CD244: variants seen among roughly 807,000 people sequenced by gnomAD.
CD244 encodes the protein natural killer cell receptor 2B4.
Under a neutral mutation model 45.5 loss-of-function variants are expected in CD244, and 20 were observed. The observed-to-expected ratio is 0.44, with a 90% confidence interval of 0.31 to 0.64. CD244 has a LOEUF of 0.64. CD244 is among the 30% of genes least tolerant of loss of function. The pLI is 0.08. For synonymous variants in CD244, 185 were observed against 160.5 expected (o/e 1.15, Z -1.15); for missense variants, 407 against 426.9 (o/e 0.95, Z 0.41).
Position 160,849,275 on chromosome 1 carries a change from A to G in CD244, c.62-7374T>C, listed in dbSNP as rs575366647. Among the ~76,000 whole-genome samples, 3 of 127,654 alleles carry G rather than the reference A, an allele frequency of 2.4e-5. No homozygotes were observed. In the South Asian group the frequency reaches 7.4e-4, roughly 32 times the overall value. The allele number at this position is 127,654 out of a possible 152,430, so 83.7% of individuals were successfully genotyped here. On this transcript the variant is annotated intron_variant, in intron 1 of 8. Coordinates refer to ENST00000368034, the MANE Select transcript of CD244 (RefSeq NM_016382.4). ...ACAACAAACATTCACATTTGTACCC[A>G]TCTCTTTCTTTTTTTTTTTTTTGTT...
rs779848016 is a variant in CD244 at position 160,836,208 on chromosome 1, A to G, written c.881T>C (p.Met294Thr). ...CTGGAGAGGTACCTGGGACTGGATC[A>G]TAGAGTAGATGGTGCTCCCCCCTCC... is the stretch of plus-strand genomic sequence containing the variant. ...FPGGGSTIYSMIQSQSSAPTS... is the reference protein window; with the variant it reads ...FPGGGSTIYSTIQSQSSAPTS... Residue 294 changes from methionine (M) to threonine (T), a missense_variant, in exon 6 of 9, where the codon ATG becomes ACG. By Grantham distance (81) the Met-to-Thr change is moderately conservative. Transcript: ENST00000368034. 2 of 1,613,782 alleles carry G rather than the reference A, an allele frequency of 1.2e-6. No individual in the cohort carries two copies. Among genetic ancestry groups the G allele is most frequent in the Non-Finnish European group, 1.7e-6 (2 of 1,179,650 alleles).
intron 4 of CD244, 84 bp from the exon 5 acceptor site, chr1:160,838,602 A>C (rs1669416032): frequency 1.1e-6 from 1 of 944,422 alleles, no homozygotes; most frequent in Non-Finnish European, 1.7e-6. Context: ...CTCTACCCCA[A>C]ATGGCCAAAC....
At chr1:160,845,611 T>C (rs1482326264) in intron 1 of CD244, among the ~76,000 whole-genome samples, 2 of 152,102 alleles carry the variant, frequency 1.3e-5, no homozygotes, top group Non-Finnish European at 2.9e-5. Context: ...ATCCCAGCAC[T>C]TTGGGAGGCC....
intron 3 of CD244, among the ~76,000 whole-genome samples, chr1:160,840,147 TA>T (rs1159374463): frequency 6.6e-6 from 1 of 150,474 alleles, no homozygotes; most frequent in African/African-American, 2.5e-5. Context: ...TTTTTTTTTT[TA>T]AATAGAGATG....
At position 160,854,236 on chromosome 1, in the gene CD244, G is replaced by A. The variant is rs759124405; in HGVS notation, c.61+8381C>T. 2.9e-4 allele frequency among the ~76,000 whole-genome samples: 44 copies of A among 152,142 alleles called. 1 individual carries two copies. The highest frequency in any genetic ancestry group is 7.2e-4 in the Admixed American group (11 of 15,288). ...AAAAGGTACTTAAATATAAATATAC[G>A]GTGTAATGAAAAATAACGTAAACTC... On this transcript the variant is annotated intron_variant, in intron 1 of 8. Transcript: ENST00000368034.
Position 160,836,179 on chromosome 1 carries a change from G to A in CD244, c.894+16C>T. 6.2e-7 allele frequency: 1 copy of A among 1,606,726 alleles called. No individual in the cohort carries two copies. The highest frequency in any genetic ancestry group is 1.1e-5 in the South Asian group (1 of 90,904). On this transcript the variant is annotated intron_variant, in intron 6 of 8. Transcript: ENST00000368034. ...AGAGATAGGTATGGAATGGACTAGA[G>A]AAACTGGAGAGGTACCTGGGACTGG...
chr1:160,849,097 C>T (rs1487663928), intron 1 of CD244, among the ~76,000 whole-genome samples: 1 of 152,076 alleles, frequency 6.6e-6, no homozygotes, highest in Non-Finnish European at 1.5e-5. Context: ...TGGAGAACAC[C>T]CAGCTGGTGT....
chr1:160,855,408 T>C (rs1670068886), intron 1 of CD244, among the ~76,000 whole-genome samples: 1 of 152,058 alleles, frequency 6.6e-6, no homozygotes, highest in Non-Finnish European at 1.5e-5. Context: ...TTGGAATGAG[T>C]TTCCATGGAC....
At chr1:160,860,839 C>T (rs1255361867) in intron 1 of CD244, among the ~76,000 whole-genome samples, 3 of 152,194 alleles carry the variant, frequency 2.0e-5, no homozygotes, top group Non-Finnish European at 4.4e-5. Flanking sequence ...AGAAATAGAG[C>T]AGCTTCAGTC....
intron 7 of CD244, 83 bp downstream of exon 7, chr1:160,833,968 G>A: frequency 3.1e-6 from 3 of 955,068 alleles, no homozygotes; most frequent in Non-Finnish European, 5.1e-6. Flanking sequence ...GCCAGGATGT[G>A]CACACACACT....
Position 160,831,290 on chromosome 1 carries a change from G to T in CD244, c.*57C>A. 1 of 1,283,808 alleles carries T rather than the reference G, an allele frequency of 7.8e-7. No homozygotes were observed. Among genetic ancestry groups the T allele is most frequent in the Non-Finnish European group, 1.1e-6 (1 of 878,816 alleles). The allele number at this position is 1,283,808 out of a possible 1,614,324, so 79.5% of individuals were successfully genotyped here. ...AGAGACTCCTGTGCCGTCATCCACT[G>T]TGCCAATTCCCAAAGCAGATGCTGA... is the stretch of plus-strand genomic sequence containing the variant. On this transcript the variant is annotated 3_prime_UTR_variant, in exon 9 of 9. Coordinates refer to ENST00000368034, the MANE Select transcript of CD244 (RefSeq NM_016382.4).
chr1:160,853,778 T>C (rs1453157975), intron 1 of CD244, among the ~76,000 whole-genome samples: 1 of 67,826 alleles, frequency 1.5e-5, no homozygotes, highest in Non-Finnish European at 2.7e-5. Context: ...AGCAAGACCC[T>C]GCCTAAAAAA....
In CD244 at chr1:160,841,379, A is replaced by G; in HGVS notation, c.486T>C (p.Tyr162=). The part of the protein sequence containing the change: ...CLVSRDGNVS[Y]AWYRGSKLIQ... ...TCAGCTTGCTCCCTCTGTACCAAGC[A>G]TAGGACACATTGCCATCCCTGGAGA... Residue 162 remains tyrosine (Y), a synonymous_variant, in exon 3 of 9, where the codon TAT becomes TAC. Transcript: ENST00000368034. The G allele has an allele frequency of 1.2e-6, 2 of 1,614,230 alleles. No homozygotes were observed. The highest frequency in any genetic ancestry group is 1.7e-6 in the Non-Finnish European group (2 of 1,180,032).
At chr1:160,837,521 TG>T (rs1479358672) in intron 5 of CD244, among the ~76,000 whole-genome samples, 1 of 152,138 alleles carries the variant, frequency 6.6e-6, no homozygotes, top group Non-Finnish European at 1.5e-5. Flanking sequence ...AAAACAGGCA[TG>T]GGGAGCTGCT....
chr1:160,836,720 C>A (rs1450486604), intron 5 of CD244, among the ~76,000 whole-genome samples: 1 of 152,170 alleles, frequency 6.6e-6, no homozygotes, highest in Non-Finnish European at 1.5e-5. Flanking sequence ...GTGCTGGGTG[C>A]AGCCCTGAAC....
chr1:160,834,150 C>G lies in CD244; in HGVS notation c.895-34G>C, dbSNP rs372059836. The G allele has an allele frequency of 5.0e-5, 72 of 1,439,266 alleles. No homozygotes were observed. The African/African-American group carries it at 9.8e-4, about 20-fold the overall frequency. The allele number at this position is 1,439,266 out of a possible 1,614,324, so 89.2% of individuals were successfully genotyped here. A position where few individuals can be genotyped will look rare whatever the true frequency, so the allele number is the denominator to read the frequency against. The stretch of plus-strand genomic sequence containing the variant: ...AAGAGAAATAAAATCATTTCAGAAG[C>G]ACAGATCCAGCACAATCTTACAAAG... On this transcript the variant is annotated intron_variant, in intron 6 of 8. Transcript: ENST00000368034.
At chr1:160,851,260 C>T (rs950873124) in intron 1 of CD244, among the ~76,000 whole-genome samples, 2 of 152,144 alleles carry the variant, frequency 1.3e-5, no homozygotes, top group South Asian at 2.1e-4. Context: ...ATATTCCAAC[C>T]CTGCCTTGGT....
chr1:160,841,062 G>A (rs1669524302), intron 3 of CD244, 148 bp downstream of exon 3: 2 of 714,688 alleles, frequency 2.8e-6, no homozygotes, highest in Non-Finnish European at 4.7e-6. Flanking sequence ...CTGTGTGCCT[G>A]GAGGCCAGGG....
At chr1:160,849,326 G>A (rs1226731928) in intron 1 of CD244, among the ~76,000 whole-genome samples, 4 of 141,416 alleles carry the variant, frequency 2.8e-5, no homozygotes, top group African/African-American at 1.1e-4. Context: ...GGATACGTAT[G>A]CAGAACATGC....
Sources: allele counts gnomAD v4.1 joint callset (sites outside exome capture counted in the v4.1 genomes callset), GRCh38; gene constraint gnomAD v4.1.1; transcripts MANE v1.5; gene names NCBI Gene and HGNC (gene_info 2026-07-23, HGNC 2026-07-21).